LRRC4C: variants seen among roughly 807,000 people sequenced by gnomAD.
LRRC4C encodes the protein leucine rich repeat containing 4C.
In LRRC4C, 5 loss-of-function variants were observed where a neutral mutation model predicts 33.6. The observed-to-expected ratio is 0.15, with a 90% CI of 0.08 to 0.31. The LOEUF (loss-of-function observed/expected upper bound fraction) is 0.31. Among genes scored for constraint, LRRC4C ranks in the 10% least tolerant of loss-of-function variants. The pLI is 1.00. For missense variants in LRRC4C, 560 were observed against 796.7 expected (o/e 0.70, Z 3.58); for synonymous variants, 329 against 302.0 (o/e 1.09, Z -0.93).
intron 2 of LRRC4C, among the ~76,000 whole-genome samples, chr11:40,847,028 T>G (rs2135707378): frequency 6.6e-6 from 1 of 152,336 alleles, no homozygotes; most frequent in Admixed American, 6.5e-5. Context: ...CTGAAGTTGC[T>G]TATCGGCTTA....
chr11:40,293,752 A>T (rs1246217908), intron 4 of LRRC4C: 1 of 152,006 alleles, frequency 6.6e-6, no homozygotes, highest in Non-Finnish European at 1.5e-5. Flanking sequence ...TACATTTTGG[A>T]GCCACAAGTT....
intron 2 of LRRC4C, among the ~76,000 whole-genome samples, chr11:40,875,265 T>A (rs1203054268): frequency 1.3e-5 from 2 of 152,172 alleles, no homozygotes; most frequent in Non-Finnish European, 2.9e-5. Context: ...CTTTATTTTT[T>A]AATAGATCTT....
At chr11:41,328,702 G>A (rs748169387) in intron 1 of LRRC4C, among the ~76,000 whole-genome samples, 7 of 152,096 alleles carry the variant, frequency 4.6e-5, no homozygotes, top group Non-Finnish European at 1.0e-4. Context: ...CCTATTTGAG[G>A]TTTTTCACAA....
chr11:41,085,317 C>T (rs1037885229), intron 1 of LRRC4C, among the ~76,000 whole-genome samples: 13 of 152,232 alleles, frequency 8.5e-5, no homozygotes, highest in African/African-American at 2.6e-4. Context: ...GGCTGCCCAA[C>T]TGAATTGTCC....
chr11:40,881,281 T>C (rs1955162333), intron 2 of LRRC4C, among the ~76,000 whole-genome samples: 1 of 152,162 alleles, frequency 6.6e-6, no homozygotes, highest in African/African-American at 2.4e-5. Context: ...TCTTACTAAA[T>C]TCAGTCCAAC....
At chr11:41,033,511 C>A (rs940410530) in intron 1 of LRRC4C, among the ~76,000 whole-genome samples, 1 of 151,648 alleles carries the variant, frequency 6.6e-6, no homozygotes, top group Admixed American at 6.6e-5. Context: ...ACAGGGTGAC[C>A]ATTTCATCCT....
chr11:41,021,023 C>T (rs907373258), intron 1 of LRRC4C, among the ~76,000 whole-genome samples: 3 of 152,100 alleles, frequency 2.0e-5, no homozygotes, highest in Non-Finnish European at 2.9e-5. Flanking sequence ...TGCTCTCTAA[C>T]CTTTTCCTTC....
rs1941992397 is a variant in LRRC4C, at chr11:41,114,107, G to C, written c.-495-180384C>G. Among the ~76,000 whole-genome samples, 3 of 151,826 alleles carry C rather than the reference G, an allele frequency of 2.0e-5. No individual in the cohort carries two copies. The South Asian group carries it at 6.2e-4, about 31-fold the overall frequency. On this transcript the variant is annotated intron_variant, in intron 1 of 6. Transcript: ENST00000528697. ...ATATAACAATTATTTATCAATATAG[G>C]ACCTTATATTTGAGGATCAAAAAAT...
intron 2 of LRRC4C, among the ~76,000 whole-genome samples, chr11:40,722,977 G>A (rs1947102126): frequency 6.6e-6 from 1 of 152,106 alleles, no homozygotes; most frequent in Non-Finnish European, 1.5e-5. Flanking sequence ...CTTAACAACA[G>A]ATGAGACCAA....
intron 5 of LRRC4C, among the ~76,000 whole-genome samples, chr11:40,216,594 A>G (rs976934): frequency 0.74 from 112,796 of 152,116 alleles, 45,990 homozygotes; most frequent in East Asian, 0.96. Context: ...AATGGGAGAC[A>G]GGGGAGGAAG....
chr11:40,874,333 C>T (rs2135962408), intron 2 of LRRC4C, among the ~76,000 whole-genome samples: 1 of 151,860 alleles, frequency 6.6e-6, no homozygotes, highest in African/African-American at 2.4e-5. Flanking sequence ...TTTTTTTTTC[C>T]AGTAACTCTC....
chr11:40,713,231 T>G lies in LRRC4C; in HGVS notation c.-406-64953A>C, dbSNP rs189014196. ...AAAGTTCTGATCTAATTTAATTCCT[T>G]CTGGTATTGTAGAGGGCAGACTAAG... On this transcript the variant is annotated intron_variant, in intron 2 of 6. Transcript: ENST00000528697. Among the ~76,000 whole-genome samples, 886 of 152,202 alleles carry G rather than the reference T, an allele frequency of 5.8e-3. 7 individuals carry two copies. Among genetic ancestry groups the G allele is most frequent in the African/African-American group, 0.02 (827 of 41,518 alleles).
chr11:40,627,015 A>G (rs879395437), intron 3 of LRRC4C, among the ~76,000 whole-genome samples: 1 of 148,736 alleles, frequency 6.7e-6, no homozygotes, highest in Non-Finnish European at 1.5e-5. Flanking sequence ...ATTCTTAATC[A>G]TTTATTCTCC....
intron 2 of LRRC4C, among the ~76,000 whole-genome samples, chr11:40,649,003 G>A (rs1942630067): frequency 6.6e-6 from 1 of 152,176 alleles, no homozygotes; most frequent in Non-Finnish European, 1.5e-5. Flanking sequence ...AGGTCACAAA[G>A]ATCACAGGCT....
chr11:40,617,601 C>G (rs1377625862), intron 3 of LRRC4C, among the ~76,000 whole-genome samples: 2 of 151,750 alleles, frequency 1.3e-5, no homozygotes, highest in East Asian at 1.9e-4. Context: ...TCTGCCATTC[C>G]TATGCTCACT....
intron 1 of LRRC4C, among the ~76,000 whole-genome samples, chr11:40,972,318 G>A (rs1287391098): frequency 6.6e-6 from 1 of 151,898 alleles, no homozygotes; most frequent in Non-Finnish European, 1.5e-5. Flanking sequence ...TGTATTTTTA[G>A]TAGAGATAGC....
intron 2 of LRRC4C, among the ~76,000 whole-genome samples, chr11:40,678,124 A>C (rs1944498653): frequency 6.6e-6 from 1 of 151,568 alleles, no homozygotes; most frequent in Admixed American, 6.6e-5. Flanking sequence ...TATTCCTCAC[A>C]CATCACTTTT....
At chr11:40,645,326 A>G (rs1565593476) in intron 3 of LRRC4C, among the ~76,000 whole-genome samples, 1 of 152,150 alleles carries the variant, frequency 6.6e-6, no homozygotes, top group Non-Finnish European at 1.5e-5. Context: ...ATAAACACAC[A>G]CAGAACAGGC....
chr11:41,001,049 G>A (rs1433271997), intron 1 of LRRC4C, among the ~76,000 whole-genome samples: 1 of 151,952 alleles, frequency 6.6e-6, no homozygotes, highest in Admixed American at 6.6e-5. Flanking sequence ...ATGAAAGACA[G>A]AGTTATTTTA....
Sources: gnomAD v4.1 joint callset for allele counts (sites outside exome capture counted in the v4.1 genomes callset) on GRCh38, gnomAD v4.1.1 for gene constraint, MANE v1.5 for transcripts, NCBI Gene and HGNC (gene_info 2026-07-23, HGNC 2026-07-21) for gene names.